The following TBXAS1 variants were observed in gnomAD, a reference collection of about 807,000 sequenced individuals.
The protein encoded by TBXAS1 is thromboxane-A synthase.
Under a neutral mutation model 60.7 loss-of-function variants are expected in TBXAS1, and 48 were observed. That is an observed-to-expected ratio of 0.79 (90% CI 0.63 to 1.01). The LOEUF is 1.01. TBXAS1 is among the 50% of genes least tolerant of loss of function. The pLI, the probability that TBXAS1 is intolerant of heterozygous loss-of-function variation, is 0.00. For synonymous variants in TBXAS1, 287 were observed against 269.7 expected (o/e 1.06, Z -0.63); for missense variants, 685 against 686.3 (o/e 1.00, Z 0.02).
chr7:139,828,312 G>A (rs994397734), upstream of TBXAS1, among the ~76,000 whole-genome samples: 1 of 152,160 alleles, frequency 6.6e-6, no homozygotes, highest in Non-Finnish European at 1.5e-5. Context: ...CTAAAAGTGT[G>A]TCCAAAGTTT....
At chr7:139,877,065 A>G (rs930231002) in intron 3 of TBXAS1, among the ~76,000 whole-genome samples, 6 of 152,158 alleles carry the variant, frequency 3.9e-5, no homozygotes, top group Admixed American at 2.6e-4. Flanking sequence ...CTTATACCCT[A>G]TTGGTTAAAC....
At chr7:139,801,289 G>C (rs1269115432) in intron 4 of TBXAS1, among the ~76,000 whole-genome samples, 1 of 152,038 alleles carries the variant, frequency 6.6e-6, no homozygotes, top group Non-Finnish European at 1.5e-5. Flanking sequence ...ATTAATTTGG[G>C]CTAACATATG....
chr7:139,957,114 C>T (rs1226463875), intron 7 of TBXAS1, among the ~76,000 whole-genome samples: 3 of 152,218 alleles, frequency 2.0e-5, no homozygotes, highest in Admixed American at 1.3e-4. Flanking sequence ...AGGGAGGCAC[C>T]CACAGCAGCA....
At chr7:139,828,808 A>T (rs1798524818), upstream of TBXAS1, among the ~76,000 whole-genome samples, 1 of 152,130 alleles carries the variant, frequency 6.6e-6, no homozygotes. Context: ...AGGTCCTCAG[A>T]CCCAGCAACT....
Position 139,805,726 on chromosome 7 carries a change from CTCTCTTTCTT to C in TBXAS1, c.-80+18304_-80+18313del, listed in dbSNP as rs1344697273. ...TCTTTCTTTCTTTCTCTCTCTCTCT[CTCTCTTTCTT>C]TCTTTCTTTCTTTCTTTCTTGTCTT... On this transcript the variant is annotated intron_variant, in intron 4 of 16. Transcript: ENST00000336425. Among the ~76,000 whole-genome samples the C allele has an allele frequency of 5.9e-3, 722 of 121,992 alleles. 5 individuals are homozygous for C. The highest frequency in any genetic ancestry group is 0.022 in the African/African-American group (668 of 29,944). The allele number at this position is 121,992 out of a possible 152,430, so 80.0% of individuals were successfully genotyped here. A position where few individuals can be genotyped will look rare whatever the true frequency, so the allele number is the denominator to read the frequency against.
At chr7:139,915,649 A>G (rs1392540549) in intron 4 of TBXAS1, among the ~76,000 whole-genome samples, 1 of 152,206 alleles carries the variant, frequency 6.6e-6, no homozygotes, top group Non-Finnish European at 1.5e-5. Flanking sequence ...GAAATTTGAC[A>G]TGAGCCGTAA....
chr7:139,952,961 A>G (rs1022627179), intron 5 of TBXAS1, among the ~76,000 whole-genome samples: 2 of 152,252 alleles, frequency 1.3e-5, no homozygotes, highest in African/African-American at 4.8e-5. Context: ...ATCGGAATAC[A>G]CAAGCATAGA....
chr7:139,935,613 A>G (rs996062300), intron 4 of TBXAS1, among the ~76,000 whole-genome samples: 1 of 151,774 alleles, frequency 6.6e-6, no homozygotes, highest in African/African-American at 2.4e-5. Context: ...AAAAAAATGA[A>G]TGACCAATAG....
chr7:139,924,229 C>T (rs921003421), intron 4 of TBXAS1, among the ~76,000 whole-genome samples: 1 of 152,174 alleles, frequency 6.6e-6, no homozygotes, highest in African/African-American at 2.4e-5. Flanking sequence ...CGCCTCCAAA[C>T]TGTTCTCCAT....
intron 12 of TBXAS1, among the ~76,000 whole-genome samples, chr7:140,019,612 T>A (rs1585072565): frequency 6.6e-6 from 1 of 152,206 alleles, no homozygotes; most frequent in South Asian, 2.1e-4. Flanking sequence ...CACTGGCTCA[T>A]CATTTTACTC....
intron 1 of TBXAS1, among the ~76,000 whole-genome samples, chr7:139,839,481 T>C (rs1302216973): frequency 6.6e-6 from 1 of 152,100 alleles, no homozygotes; most frequent in Non-Finnish European, 1.5e-5. Context: ...GGGCTTGTAG[T>C]ACCAAGCTGC....
At chr7:139,779,049 T>A (rs1380605131) in intron 1 of TBXAS1, among the ~76,000 whole-genome samples, 1 of 152,222 alleles carries the variant, frequency 6.6e-6, no homozygotes, top group East Asian at 1.9e-4. Flanking sequence ...GGGCAACTAT[T>A]GTTTCATAAA....
At chr7:140,000,752 T>C (rs1260379232) in intron 9 of TBXAS1, among the ~76,000 whole-genome samples, 2 of 152,222 alleles carry the variant, frequency 1.3e-5, no homozygotes, top group Non-Finnish European at 2.9e-5. Context: ...ATAAAATAAG[T>C]CCCAGCTGAA....
intron 1 of TBXAS1, among the ~76,000 whole-genome samples, chr7:139,835,541 A>G (rs887275761): frequency 6.6e-6 from 1 of 152,216 alleles, no homozygotes; most frequent in Admixed American, 6.5e-5. Context: ...ATCATGTGAT[A>G]ATAGATGCAG....
rs1479179604 is a variant in TBXAS1, at chr7:139,919,000, T to C, written c.333+7679T>C. Reference sequence around the variant, plus strand: ...TACATTTTAATTTTTTTATACTCTATTTTTAGTAAAAGGGACACCTTTACT... The same window carrying C: ...TACATTTTAATTTTTTTATACTCTACTTTTAGTAAAAGGGACACCTTTACT... On this transcript the variant is annotated intron_variant, in intron 4 of 12. Coordinates refer to ENST00000448866, the MANE Select transcript of TBXAS1 (RefSeq NM_001061.7). Among the ~76,000 whole-genome samples the C allele has an allele frequency of 2.0e-5, 3 of 152,190 alleles. No homozygotes were observed. In the East Asian group the frequency reaches 5.8e-4, roughly 29 times the overall value.
intron 1 of TBXAS1, among the ~76,000 whole-genome samples, chr7:139,868,005 A>G (rs1004885189): frequency 2.0e-5 from 3 of 152,224 alleles, no homozygotes; most frequent in African/African-American, 7.2e-5. Context: ...TGTGTCCTGT[A>G]GCGTTTAATG....
chr7:139,957,747 C>G lies in TBXAS1; in HGVS notation c.802C>G (p.Gln268Glu). The G allele has an allele frequency of 1.2e-6, 2 of 1,614,118 alleles. No individual in the cohort carries two copies. The highest frequency in any genetic ancestry group is 1.7e-6 in the Non-Finnish European group (2 of 1,180,020). The change falls in exon 8 of 13, where the codon CAG becomes GAG. Residue 268 changes from glutamine to glutamate, a missense_variant. Gln to Glu is a conservative substitution (Grantham distance 29). Transcript: ENST00000448866. Reference protein sequence around the residue: ...LIRNVIALRDQQAAEERRRDF... With the variant: ...LIRNVIALRDEQAAEERRRDF... Reference sequence around the variant, plus strand: ...TAGGAATGTGATTGCCTTGCGGGACCAGCAAGCTGCCGAAGAGGTAACGTA... The same window carrying G: ...TAGGAATGTGATTGCCTTGCGGGACGAGCAAGCTGCCGAAGAGGTAACGTA...
intron 9 of TBXAS1, among the ~76,000 whole-genome samples, chr7:139,992,729 C>G (rs892601371): frequency 6.6e-6 from 1 of 152,220 alleles, no homozygotes; most frequent in Admixed American, 6.5e-5. Flanking sequence ...GCACTCAGCT[C>G]GGTTCTTGGC....
At chr7:139,864,816 T>C (rs1801229142) in intron 1 of TBXAS1, among the ~76,000 whole-genome samples, 1 of 152,178 alleles carries the variant, frequency 6.6e-6, no homozygotes. Flanking sequence ...TGTAATCAGC[T>C]GTGGGACAGG....
Sources: allele counts gnomAD v4.1 joint callset (sites outside exome capture counted in the v4.1 genomes callset), GRCh38; gene constraint gnomAD v4.1.1; transcripts MANE v1.5; gene names NCBI Gene and HGNC (gene_info 2026-07-23, HGNC 2026-07-21).